FRMPD2: variants seen among roughly 807,000 people sequenced by gnomAD.
FRMPD2 encodes FERM and PDZ domain-containing protein 2.
A neutral mutation model predicts 140.1 loss-of-function variants in FRMPD2; 96 were observed. That is an observed-to-expected ratio of 0.69 (90% CI 0.58 to 0.81). The LOEUF (loss-of-function observed/expected upper bound fraction) is 0.81. FRMPD2 is among the 40% of genes least tolerant of loss of function. The pLI is 0.00. For missense variants in FRMPD2, 1,240 were observed against 1,447.4 expected (o/e 0.86, Z 2.32); for synonymous variants, 449 against 547.6 (o/e 0.82, Z 2.52).
chr10:48,156,693 C>T lies in FRMPD2; in HGVS notation c.*629G>A. 1 of 153,470 alleles carries T rather than the reference C, an allele frequency of 6.5e-6. No individual in the cohort carries two copies. The highest frequency in any genetic ancestry group is 1.4e-5 in the Non-Finnish European group (1 of 71,126). The allele number at this position is 153,470 out of a possible 1,614,324, so 9.5% of individuals were successfully genotyped here. A position where few individuals can be genotyped will look rare whatever the true frequency, so the allele number is the denominator to read the frequency against. On this transcript the variant is annotated 3_prime_UTR_variant, in exon 29 of 29. Transcript: ENST00000374201. ...GAGACCGGGGGGATGGGGGGGCTTGCCAGAGGGCACAGCATTGCAAGCAGG... is the reference window on the plus strand; with the variant it reads ...GAGACCGGGGGGATGGGGGGGCTTGTCAGAGGGCACAGCATTGCAAGCAGG...
At chr10:48,217,024 C>T (rs771888577) in intron 12 of FRMPD2, among the ~76,000 whole-genome samples, 5 of 152,188 alleles carry the variant, frequency 3.3e-5, no homozygotes, top group Non-Finnish European at 7.3e-5. Context: ...CTCTGAGACA[C>T]TGCCTCCCTG....
chr10:48,220,832 G>GA (rs1458279806), intron 12 of FRMPD2, among the ~76,000 whole-genome samples: 5 of 152,194 alleles, frequency 3.3e-5, no homozygotes, highest in African/African-American at 1.2e-4. Context: ...ACAAACACAT[G>GA]AAAAAATGCT....
rs532371669 is a variant in FRMPD2 at position 48,238,101 on chromosome 10, G to A, written c.811C>T (p.Gln271Ter). Residue 271 changes from glutamine to a stop codon, truncating the protein, a stop_gained, in exon 8 of 29, where the codon CAG becomes TAG. Transcript: ENST00000374201. LOFTEE classifies it high-confidence loss of function. ...VNRALPGADPQDQQAGRRLSS... is the reference protein window; with the variant it reads ...VNRALPGADP The stretch of plus-strand genomic sequence containing the variant: ...AGCCTCCGGCCCGCCTGCTGGTCCT[G>A]GGGATCTGCTCCTGGAAGAGCGCTG... 6.2e-7 allele frequency: 1 copy of A among 1,612,386 alleles called. No homozygotes were observed. Among genetic ancestry groups the A allele is most frequent in the Admixed American group, 1.7e-5 (1 of 60,020 alleles).
In FRMPD2 at chr10:48,184,565, C is replaced by T. The variant is rs1838628310; in HGVS notation, c.2584+1G>A. On this transcript the variant is annotated splice_donor_variant, in intron 20 of 28. Coordinates refer to ENST00000374201, the MANE Select transcript of FRMPD2 (RefSeq NM_001018071.4). LOFTEE classifies it high-confidence loss of function. ...GCTCCCAAGAGTGGGTTAAAACATA[C>T]CTTTTGACTGAGAAATAATTAATTC... 6.3e-7 allele frequency: 1 copy of T among 1,584,276 alleles called. No individual in the cohort carries two copies. The highest frequency in any genetic ancestry group is 8.7e-7 in the Non-Finnish European group (1 of 1,153,020).
chr10:48,161,823 G>A (rs1325996578), intron 28 of FRMPD2, among the ~76,000 whole-genome samples: 1 of 151,410 alleles, frequency 6.6e-6, no homozygotes, highest in African/African-American at 2.4e-5. Context: ...GTCGTTTAAT[G>A]AATGAAACAG....
chr10:48,218,025 C>T (rs557888169), intron 12 of FRMPD2, among the ~76,000 whole-genome samples: 65 of 152,336 alleles, frequency 4.3e-4, no homozygotes, highest in Non-Finnish European at 7.5e-4. Flanking sequence ...AAGACCAAGG[C>T]TTCTGCAGGT....
chr10:48,204,575 A>T (rs1054259424), intron 14 of FRMPD2, among the ~76,000 whole-genome samples: 1 of 152,254 alleles, frequency 6.6e-6, no homozygotes, highest in African/African-American at 2.4e-5. Context: ...TTTGAAAGGA[A>T]AAAAGTATTA....
intron 10 of FRMPD2, among the ~76,000 whole-genome samples, chr10:48,228,159 T>A (rs1247181890): frequency 6.6e-6 from 1 of 152,088 alleles, no homozygotes; most frequent in Non-Finnish European, 1.5e-5. Context: ...TTACTAACAA[T>A]AAAAATAACG....
chr10:48,233,485 C>A (rs1839900943), intron 9 of FRMPD2, among the ~76,000 whole-genome samples: 1 of 152,144 alleles, frequency 6.6e-6, no homozygotes, highest in Non-Finnish European at 1.5e-5. Flanking sequence ...CAGGTCTGAC[C>A]CGCTTCTTTC....
chr10:48,191,373 GA>G (rs1396179938), intron 16 of FRMPD2, among the ~76,000 whole-genome samples: 2 of 152,172 alleles, frequency 1.3e-5, no homozygotes, highest in Non-Finnish European at 2.9e-5. Flanking sequence ...AGTCCTGCCT[GA>G]ATTTCTAACC....
intron 15 of FRMPD2, 158 bp from the exon 16 acceptor site, chr10:48,193,052 G>T (rs111717239): frequency 2.5e-4 from 157 of 627,708 alleles, no homozygotes; most frequent in African/African-American, 6.4e-4. Flanking sequence ...GGAATGCAAG[G>T]TCTCCTAATT....
At position 48,222,320 on chromosome 10, in the gene FRMPD2, G is replaced by A. The variant is rs1013624732; in HGVS notation, c.1448C>T (p.Pro483Leu). The change falls in exon 12 of 29, where the codon CCT becomes CTT. Residue 483 changes from proline (P) to leucine (L), a missense_variant. By Grantham distance (98) the Pro-to-Leu change is moderately conservative (BLOSUM62 -3). Transcript: ENST00000374201. ...CCTGGTGTTCACCCCTACCTCCTTA[G>A]GGTAATTGCCAAACTCAGCCTGCAA... is the stretch of plus-strand genomic sequence containing the variant. ...LALQAEFGNY[P>L]KEQVESKPYF... 8 of 1,613,850 alleles carry A rather than the reference G, an allele frequency of 5.0e-6. No homozygotes were observed. The highest frequency in any genetic ancestry group is 5.9e-6 in the Non-Finnish European group (7 of 1,179,910).
intron 14 of FRMPD2, among the ~76,000 whole-genome samples, chr10:48,202,629 C>A (rs1306338569): frequency 6.6e-6 from 1 of 152,148 alleles, no homozygotes; most frequent in Non-Finnish European, 1.5e-5. Flanking sequence ...TGCTGCTCCG[C>A]CAGTCGTAAT....
At position 48,206,871 on chromosome 10, in the gene FRMPD2, C is replaced by A. The variant is rs1295929505; in HGVS notation, c.1674G>T (p.Arg558Ser). The stretch of plus-strand genomic sequence containing the variant: ...TCCCCAGGGCCATCTCCTCTTCTGG[C>A]CTCCTCTTCTCTGAGAATACTTGGT... The part of the protein sequence containing the change: ...LVHQVFSEKR[R>S]PEEEMALGIC... Residue 558 changes from arginine (R) to serine (S), a missense_variant, in exon 14 of 29, where the codon AGG becomes AGT. This residue lies in a region of FRMPD2 where 1,161 missense variants were observed against 1,055.9 expected (regional missense o/e 1.10). Transcript: ENST00000374201. 1 of 1,614,098 alleles carries A rather than the reference C, an allele frequency of 6.2e-7. No individual in the cohort carries two copies.
intron 28 of FRMPD2, chr10:48,159,143 T>C (rs1837866997): frequency 2.2e-6 from 1 of 456,130 alleles, no homozygotes; most frequent in Non-Finnish European, 4.4e-6. Flanking sequence ...GGCCCCATAT[T>C]GAGGTCTCCA....
chr10:48,254,401 C>T (rs2463958), intron 1 of FRMPD2, among the ~76,000 whole-genome samples: 6,805 of 152,232 alleles, frequency 0.045, 500 homozygotes, highest in African/African-American at 0.15. Flanking sequence ...GCAGATGAGC[C>T]CTGCCCACCT....
At chr10:48,230,542 A>G (rs539333425) in intron 10 of FRMPD2, among the ~76,000 whole-genome samples, 2 of 152,252 alleles carry the variant, frequency 1.3e-5, no homozygotes, top group Non-Finnish European at 2.9e-5. Context: ...TGATGCACTT[A>G]TGCATCAAGG....
At chr10:48,210,361 GA>G (rs1178433987) in intron 13 of FRMPD2, among the ~76,000 whole-genome samples, 38 of 152,178 alleles carry the variant, frequency 2.5e-4, no homozygotes, top group Admixed American at 2.0e-3. Context: ...TGTGAATGGG[GA>G]AAAAAATGGT....
At chr10:48,232,436 G>T in intron 9 of FRMPD2, 147 bp from the exon 10 acceptor site, 2 of 643,270 alleles carry the variant, frequency 3.1e-6, no homozygotes, top group South Asian at 2.1e-5. Context: ...TTCCTATGCA[G>T]CAGATGAGAA....
Sources: allele counts gnomAD v4.1 joint callset (sites outside exome capture counted in the v4.1 genomes callset), GRCh38; gene constraint gnomAD v4.1.1; regional missense constraint gnomAD v4.1.1; transcripts MANE v1.5; gene names NCBI Gene and HGNC (gene_info 2026-07-23, HGNC 2026-07-21).